RMDN1: variants seen among roughly 807,000 people sequenced by gnomAD.
RMDN1 encodes the protein regulator of microtubule dynamics 1.
RMDN1 carries 48 observed loss-of-function variants against 48.9 expected under a neutral mutation model. That is an observed-to-expected ratio of 0.98 (90% CI 0.78 to 1.25). The LOEUF is 1.25. Ranked by LOEUF, RMDN1 falls within the 50% of genes most tolerant of loss-of-function variation. The probability of loss-of-function intolerance (pLI) is 0.00; values close to 1 mark genes in which losing one functional copy is unlikely to be tolerated. For synonymous variants in RMDN1, 148 were observed against 132.6 expected (o/e 1.12, Z -0.80); for missense variants, 418 against 373.4 (o/e 1.12, Z -0.98).
downstream of RMDN1, chr8:86,468,358 G>T: frequency 4.4e-6 from 2 of 453,424 alleles, no homozygotes; most frequent in East Asian, 7.0e-5. Flanking sequence ...GAAAGGCAGA[G>T]ATCTGCTTGG....
chr8:86,502,452 C>T, intron 2 of RMDN1, among the ~76,000 whole-genome samples: 1 of 149,596 alleles, frequency 6.7e-6, no homozygotes. Context: ...GACCACTTTG[C>T]CCATGCTGGT....
intron 8 of RMDN1, 174 bp from the exon 9 acceptor site, chr8:86,475,127 T>C (rs1813153906): frequency 3.8e-6 from 2 of 525,996 alleles, no homozygotes; most frequent in Admixed American, 3.8e-5. Context: ...TGTAAAATAA[T>C]AATTACCAAT....
chr8:86,471,345 C>T, downstream of RMDN1, among the ~76,000 whole-genome samples: 1 of 151,626 alleles, frequency 6.6e-6, no homozygotes, highest in South Asian at 2.1e-4. Flanking sequence ...CATTTGATGA[C>T]CTAGTATTGC....
At chr8:86,497,466 G>A (rs1817548382) in intron 2 of RMDN1, among the ~76,000 whole-genome samples, 1 of 152,170 alleles carries the variant, frequency 6.6e-6, no homozygotes, top group Non-Finnish European at 1.5e-5. Context: ...ACTTTGGGAG[G>A]CCAAGGTGGG....
Position 86,472,734 on chromosome 8 carries a change from T to C in RMDN1, c.*1574A>G, listed in dbSNP as rs891823081. 2.4e-6 allele frequency: 1 copy of C among 421,930 alleles called. No homozygotes were observed. The highest frequency in any genetic ancestry group is 4.1e-5 in the Admixed American group (1 of 24,242). 26.1% of individuals were successfully genotyped at this position (421,930 alleles called of 1,614,324 possible). A position where few individuals can be genotyped will look rare whatever the true frequency, so the allele number is the denominator to read the frequency against. ...TGTTAAGTACTTATGCATGAATAAG[T>C]ATAAGAAAATAACTGCTTATTGGTA... On this transcript the variant is annotated 3_prime_UTR_variant, in exon 10 of 10. Coordinates refer to ENST00000406452, the MANE Select transcript of RMDN1 (RefSeq NM_016033.3).
intron 4 of RMDN1, among the ~76,000 whole-genome samples, chr8:86,485,467 T>C (rs1358512157): frequency 6.6e-6 from 1 of 152,138 alleles, no homozygotes; most frequent in Admixed American, 6.6e-5. Context: ...GGATAGGACA[T>C]GTTTATAGAG....
chr8:86,509,750 G>A (rs960630518), upstream of RMDN1, among the ~76,000 whole-genome samples: 6 of 152,126 alleles, frequency 3.9e-5, no homozygotes, highest in African/African-American at 1.4e-4. Context: ...TCTGAGTCCA[G>A]TGCTCCTTCT....
Position 86,478,915 on chromosome 8 carries a change from C to T in RMDN1, c.729+8G>A, listed in dbSNP as rs1813858678. The stretch of plus-strand genomic sequence containing the variant: ...TCCGTACTAACTTAACAAAGGACAT[C>T]ATACTACCTTCTCATAGGTGGAACT... On this transcript the variant is annotated splice_region_variant and intron_variant, in intron 7 of 9. Transcript: ENST00000406452. The T allele has an allele frequency of 6.2e-7, 1 of 1,605,850 alleles. No homozygotes were observed. Among genetic ancestry groups the T allele is most frequent in the African/African-American group, 1.3e-5 (1 of 74,752 alleles).
Position 86,507,062 on chromosome 8 carries a change from C to T in RMDN1, c.180G>A (p.Leu60=), listed in dbSNP as rs1239697019. ...TFKRGLLLSA[L]SYLGFETYQV... is the part of the protein sequence containing the mutation. ...GGTAAGTTTCAAAACCCAAATACGACAAAGCTGAGAGTAAAAGGCCTCTTT... is the reference window on the plus strand; with the variant it reads ...GGTAAGTTTCAAAACCCAAATACGATAAAGCTGAGAGTAAAAGGCCTCTTT... Residue 60 remains leucine (L), a synonymous_variant, in exon 2 of 10, where the codon TTG becomes TTA. Coordinates refer to ENST00000406452, the MANE Select transcript of RMDN1 (RefSeq NM_016033.3). 3 of 1,613,452 alleles carry T rather than the reference C, an allele frequency of 1.9e-6. No individual in the cohort carries two copies. In the South Asian group the frequency reaches 3.3e-5, roughly 18 times the overall value.
chr8:86,506,917 C>G lies in RMDN1; in HGVS notation c.247+78G>C, dbSNP rs190816114. The G allele has an allele frequency of 4.0e-6, 3 of 748,604 alleles. No homozygotes were observed. The African/African-American group carries it at 5.2e-5, about 13-fold the overall frequency. 46.4% of individuals were successfully genotyped at this position (748,604 alleles called of 1,614,324 possible). A position where few individuals can be genotyped will look rare whatever the true frequency, so the allele number is the denominator to read the frequency against. On this transcript the variant is annotated intron_variant, in intron 2 of 9. Transcript: ENST00000406452. ...TTCTATTATTAACATTACCCTGATT[C>G]TTTGTTTTAAAATAAAAATTCTGAA...
chr8:86,506,899 A>G (rs1334454005), intron 2 of RMDN1, 96 bp downstream of exon 2: 27 of 666,714 alleles, frequency 4.0e-5, no homozygotes, highest in Non-Finnish European at 2.6e-6. Flanking sequence ...ATTTTCTATT[A>G]TTAACATTAC....
At chr8:86,468,830 A>G (rs1255101329), downstream of RMDN1, 2 of 403,142 alleles carry the variant, frequency 5.0e-6, no homozygotes, top group African/African-American at 2.1e-5. Context: ...AGTAGCAGTC[A>G]GAAAAACTGT....
At chr8:86,504,743 G>A in intron 2 of RMDN1, 2 of 1,025,718 alleles carry the variant, frequency 1.9e-6, no homozygotes, top group Non-Finnish European at 3.1e-6. Flanking sequence ...GGTTTATTGT[G>A]GCCGAACTCT....
At position 86,473,279 on chromosome 8, in the gene RMDN1, GCTC is replaced by G; in HGVS notation, c.*1026_*1028del. 2 of 985,300 alleles carry G rather than the reference GCTC, an allele frequency of 2.0e-6. No homozygotes were observed. Among genetic ancestry groups the G allele is most frequent in the South Asian group, 4.7e-5 (1 of 21,280 alleles). 61.0% of individuals were successfully genotyped at this position (985,300 alleles called of 1,614,324 possible). ...GTCTTTATCTAAGTGGATTCAAGAT[GCTC>G]CTTTTTACAAAACTTAAAAAGATTT... On this transcript the variant is annotated 3_prime_UTR_variant, in exon 10 of 10. Coordinates refer to ENST00000406452, the MANE Select transcript of RMDN1 (RefSeq NM_016033.3).
At chr8:86,477,366 AAAG>A (rs1813561155) in intron 7 of RMDN1, 42 bp from the exon 8 acceptor site, 1 of 1,497,640 alleles carries the variant, frequency 6.7e-7, no homozygotes, top group Non-Finnish European at 9.1e-7. Flanking sequence ...AAAAAAGATT[AAAG>A]AAGACAATAT....
intron 2 of RMDN1, among the ~76,000 whole-genome samples, chr8:86,495,410 TA>T (rs1013582819): frequency 2.0e-5 from 3 of 151,914 alleles, no homozygotes; most frequent in Admixed American, 1.3e-4. Flanking sequence ...GAGAGAACTC[TA>T]GTCTTTGTGG....
At chr8:86,483,578 T>A (rs1411036684) in intron 5 of RMDN1, among the ~76,000 whole-genome samples, 4 of 152,246 alleles carry the variant, frequency 2.6e-5, no homozygotes, top group African/African-American at 9.6e-5. Flanking sequence ...AGGTAAATTG[T>A]TACATTATAA....
intron 8 of RMDN1, 22 bp from the exon 9 acceptor site, chr8:86,474,975 T>A: frequency 6.4e-7 from 1 of 1,574,070 alleles, no homozygotes; most frequent in Non-Finnish European, 8.6e-7. Flanking sequence ...AAAGAAAAAA[T>A]GATCTCAGAG....
In RMDN1 at chr8:86,508,649, C is replaced by T. The variant is rs773554568; in HGVS notation, c.-29G>A. ...CTGCAACTTGCGGGCTGACCCTGCACTACTTCAGGCAGCTACGGAGGCGGG... is the reference window on the plus strand; with the variant it reads ...CTGCAACTTGCGGGCTGACCCTGCATTACTTCAGGCAGCTACGGAGGCGGG... On this transcript the variant is annotated 5_prime_UTR_variant, in exon 1 of 10. In the 5' UTR this introduces an upstream ATG that the reference lacks. Coordinates refer to ENST00000406452, the MANE Select transcript of RMDN1 (RefSeq NM_016033.3). 4 of 1,572,556 alleles carry T rather than the reference C, an allele frequency of 2.5e-6. No homozygotes were observed. The highest frequency in any genetic ancestry group is 2.6e-6 in the Non-Finnish European group (3 of 1,158,138).
Sources: allele counts gnomAD v4.1 joint callset (sites outside exome capture counted in the v4.1 genomes callset), GRCh38; gene constraint gnomAD v4.1.1; transcripts MANE v1.5; gene names NCBI Gene and HGNC (gene_info 2026-07-23, HGNC 2026-07-21).